Variants in RIMS1 observed in about 807,000 individuals in gnomAD.
RIMS1 encodes the protein regulating synaptic membrane exocytosis 1, also known as regulating synaptic membrane exocytosis protein 1.
In RIMS1, 83 loss-of-function variants were observed where a neutral mutation model predicts 214.1. That is an observed-to-expected ratio of 0.39 (90% CI 0.32 to 0.47). RIMS1 has a LOEUF of 0.47. RIMS1 is among the 20% of genes least tolerant of loss of function. RIMS1 has a pLI of 0.99. For missense variants in RIMS1, 2,050 were observed against 2,161.8 expected (o/e 0.95, Z 1.03); for synonymous variants, 793 against 786.8 (o/e 1.01, Z -0.13).
intron 4 of RIMS1, among the ~76,000 whole-genome samples, chr6:72,169,211 A>G (rs1462931082): frequency 6.6e-6 from 1 of 152,170 alleles, no homozygotes; most frequent in Admixed American, 6.5e-5. Context: ...TTATATTTTT[A>G]TCTTATTTTA....
chr6:72,212,798 T>C, intron 6 of RIMS1: 1 of 1,029,458 alleles, frequency 9.7e-7, no homozygotes. Flanking sequence ...GAGATGCCAA[T>C]ATGCTTCTCC....
intron 4 of RIMS1, among the ~76,000 whole-genome samples, chr6:72,156,694 G>C (rs1317767899): frequency 7.1e-6 from 1 of 140,096 alleles, no homozygotes; most frequent in Non-Finnish European, 1.6e-5. Flanking sequence ...TACCTTGATT[G>C]TGGTAATCAC....
At chr6:72,379,326 G>A (rs2098446240) in intron 29 of RIMS1, among the ~76,000 whole-genome samples, 1 of 152,198 alleles carries the variant, frequency 6.6e-6, no homozygotes. Context: ...ACCCAAAGTA[G>A]CTGCTCTAGC....
At chr6:71,977,622 G>A (rs546497864) in intron 2 of RIMS1, among the ~76,000 whole-genome samples, 1 of 152,108 alleles carries the variant, frequency 6.6e-6, no homozygotes, top group African/African-American at 2.4e-5. Flanking sequence ...ACTGCTCAAG[G>A]AAGGCTCTAA....
Position 72,274,534 on chromosome 6 carries a change from C to T in RIMS1, c.3482+102C>T, listed in dbSNP as rs192478232. 9 of 858,094 alleles carry T rather than the reference C, an allele frequency of 1.0e-5. No homozygotes were observed. The East Asian group carries it at 2.4e-4, about 22-fold the overall frequency. The allele number at this position is 858,094 out of a possible 1,614,324, so 53.2% of individuals were successfully genotyped here. On this transcript the variant is annotated intron_variant, in intron 23 of 33. Transcript: ENST00000521978. ...AAAGTTGAATATGATGTACTTTATT[C>T]CAGGAGCCAGAGCCAGATATGTTAG...
At position 72,258,220 on chromosome 6, in the gene RIMS1, C is replaced by G. The variant is rs1464961905; in HGVS notation, c.2866C>G (p.Pro956Ala). The G allele has an allele frequency of 6.2e-7, 1 of 1,613,440 alleles. No homozygotes were observed. The highest frequency in any genetic ancestry group is 1.1e-5 in the South Asian group (1 of 91,040). Residue 956 changes from proline (P) to alanine (A), a missense_variant, in exon 17 of 34, where the codon CCT (proline) becomes GCT (alanine). This residue lies in a region of RIMS1 where 889 missense variants were observed against 885.5 expected (regional missense o/e 1.00). Transcript: ENST00000521978. Reference protein sequence around the residue: ...TTHHRSRSVSPHRGNDQGKPR... With the variant: ...TTHHRSRSVSAHRGNDQGKPR... ...TCATCACCGCTCACGTTCAGTATCT[C>G]CTCATCGCGGCAATGATCAGGGAAA...
chr6:71,979,324 G>T (rs1296362470), intron 2 of RIMS1, among the ~76,000 whole-genome samples: 1 of 152,008 alleles, frequency 6.6e-6, no homozygotes, highest in African/African-American at 2.4e-5. Flanking sequence ...CAACAGCTGA[G>T]ATTTGATGAT....
At chr6:71,922,512 C>G (rs559408909) in intron 1 of RIMS1, among the ~76,000 whole-genome samples, 2 of 152,242 alleles carry the variant, frequency 1.3e-5, no homozygotes, top group Non-Finnish European at 2.9e-5. Flanking sequence ...TGCACTGCAG[C>G]CTGGACGATA....
At chr6:72,191,793 G>C (rs1430279693) in intron 6 of RIMS1, among the ~76,000 whole-genome samples, 1 of 152,194 alleles carries the variant, frequency 6.6e-6, no homozygotes, top group Non-Finnish European at 1.5e-5. Context: ...ACTTGGTTAA[G>C]CTTATGATAA....
chr6:72,001,590 T>C (rs1424667056), intron 2 of RIMS1, among the ~76,000 whole-genome samples: 1 of 152,134 alleles, frequency 6.6e-6, no homozygotes, highest in Non-Finnish European at 1.5e-5. Context: ...AACAACAAAG[T>C]TTTGCTAAAT....
intron 22 of RIMS1, among the ~76,000 whole-genome samples, chr6:72,271,354 G>A (rs1193086829): frequency 1.4e-5 from 2 of 144,792 alleles, no homozygotes; most frequent in Non-Finnish European, 3.0e-5. Context: ...TAAAATAATA[G>A]GGAAAAAATT....
chr6:72,364,202 G>A (rs2097915880), intron 29 of RIMS1, among the ~76,000 whole-genome samples: 1 of 151,982 alleles, frequency 6.6e-6, no homozygotes, highest in Non-Finnish European at 1.5e-5. Context: ...TTTTCTCTGT[G>A]GTTTTTGCAT....
chr6:71,923,029 G>A (rs1206534972), intron 1 of RIMS1, among the ~76,000 whole-genome samples: 1 of 152,176 alleles, frequency 6.6e-6, no homozygotes, highest in African/African-American at 2.4e-5. Context: ...TAACTTGTGA[G>A]ATAAGTGAAA....
intron 1 of RIMS1, among the ~76,000 whole-genome samples, chr6:71,926,715 C>A (rs1781679904): frequency 6.6e-6 from 1 of 152,108 alleles, no homozygotes; most frequent in Non-Finnish European, 1.5e-5. Context: ...CCAAACACTT[C>A]TAAGTGTTTA....
At chr6:72,184,887 A>G (rs1177988018) in intron 6 of RIMS1, among the ~76,000 whole-genome samples, 1 of 152,170 alleles carries the variant, frequency 6.6e-6, no homozygotes, top group African/African-American at 2.4e-5. Flanking sequence ...GGCTGCCTCT[A>G]TGTATAAAAC....
At chr6:72,224,334 A>C (rs2059534709) in intron 6 of RIMS1, among the ~76,000 whole-genome samples, 1 of 152,208 alleles carries the variant, frequency 6.6e-6, no homozygotes, top group African/African-American at 2.4e-5. Context: ...CATTTCAAAA[A>C]TTTGTAGGGC....
intron 2 of RIMS1, among the ~76,000 whole-genome samples, chr6:71,979,902 ATGGGT>A (rs1268134145): frequency 3.3e-5 from 5 of 152,238 alleles, no homozygotes; most frequent in Non-Finnish European, 5.9e-5. Flanking sequence ...ATTAGATGGG[ATGGGT>A]GATAATTTTA....
intron 29 of RIMS1, among the ~76,000 whole-genome samples, chr6:72,387,491 C>T (rs2098633982): frequency 6.6e-6 from 1 of 152,192 alleles, no homozygotes; most frequent in African/African-American, 2.4e-5. Context: ...CACTGCTCTA[C>T]CATAGTGACT....
At chr6:72,256,320 T>C (rs1345845075) in intron 16 of RIMS1, among the ~76,000 whole-genome samples, 1 of 152,176 alleles carries the variant, frequency 6.6e-6, no homozygotes, top group Non-Finnish European at 1.5e-5. Flanking sequence ...AGTATACTTT[T>C]TGAATTCAGA....
Sources: allele counts gnomAD v4.1 joint callset (sites outside exome capture counted in the v4.1 genomes callset), GRCh38; gene constraint gnomAD v4.1.1; regional missense constraint gnomAD v4.1.1; transcripts MANE v1.5; gene names NCBI Gene and HGNC (gene_info 2026-07-23, HGNC 2026-07-21).